Variants in CNTN6 observed in about 807,000 individuals in gnomAD.
The protein encoded by CNTN6 is contactin-6.
CNTN6 carries 137 observed loss-of-function variants against 122.8 expected under a neutral mutation model. The observed-to-expected ratio is 1.12, with a 90% CI of 0.97 to 1.29. The LOEUF (loss-of-function observed/expected upper bound fraction) is 1.29. CNTN6 is among the 50% of genes most tolerant of loss of function. The pLI, the probability that CNTN6 is intolerant of heterozygous loss-of-function variation, is 0.00. For missense variants in CNTN6, 1,634 were observed against 1,223.4 expected (o/e 1.34, Z -5.01); for synonymous variants, 570 against 426.0 (o/e 1.34, Z -4.16).
At chr3:1,333,792 A>G (rs1193231397) in intron 11 of CNTN6, among the ~76,000 whole-genome samples, 1 of 152,116 alleles carries the variant, frequency 6.6e-6, no homozygotes, top group Admixed American at 6.6e-5. Context: ...TCTTACATGA[A>G]TTGAAACAGC....
At chr3:1,289,038 A>T (rs1444991907) in intron 5 of CNTN6, among the ~76,000 whole-genome samples, 2 of 152,252 alleles carry the variant, frequency 1.3e-5, no homozygotes, top group African/African-American at 4.8e-5. Context: ...AATGCATCAC[A>T]ACCGTTAATA....
chr3:1,098,921 C>T (rs1359349818), intron 1 of CNTN6, among the ~76,000 whole-genome samples: 2 of 149,776 alleles, frequency 1.3e-5, no homozygotes, highest in South Asian at 2.1e-4. Context: ...TTAACATCTT[C>T]AGTATTCATA....
intron 4 of CNTN6, among the ~76,000 whole-genome samples, chr3:1,228,660 T>C (rs2094316819): frequency 6.6e-6 from 1 of 152,198 alleles, no homozygotes; most frequent in African/African-American, 2.4e-5. Context: ...TATCTGTTGA[T>C]GTGGATAAAG....
At chr3:1,159,863 C>T (rs936692316) in intron 2 of CNTN6, among the ~76,000 whole-genome samples, 2 of 152,000 alleles carry the variant, frequency 1.3e-5, no homozygotes, top group African/African-American at 4.8e-5. Context: ...CTCTGTCCCC[C>T]AGGCTGGAGT....
rs577946277 is a variant in CNTN6 at position 1,248,370 on chromosome 3, A to G, written c.358+20377A>G. 1.4e-4 allele frequency among the ~76,000 whole-genome samples: 21 copies of G among 152,334 alleles called. No homozygotes were observed. In the East Asian group the frequency reaches 3.3e-3, roughly 24 times the overall value. On this transcript the variant is annotated intron_variant, in intron 4 of 22. Transcript: ENST00000446702. ...TCTCTGTGATGTATGCTTTAGTTGTATCTTCCTCAAAGTAAGTACCAACCT... is the reference window on the plus strand; with the variant it reads ...TCTCTGTGATGTATGCTTTAGTTGTGTCTTCCTCAAAGTAAGTACCAACCT...
At chr3:1,326,614 AT>A (rs996525783) in intron 9 of CNTN6, among the ~76,000 whole-genome samples, 5 of 151,882 alleles carry the variant, frequency 3.3e-5, no homozygotes, top group African/African-American at 9.7e-5. Flanking sequence ...TACCTAGAAA[AT>A]GAAAGATTTG....
intron 19 of CNTN6, among the ~76,000 whole-genome samples, chr3:1,384,930 T>C (rs1008678771): frequency 1.5e-4 from 23 of 151,394 alleles, no homozygotes; most frequent in African/African-American, 5.6e-4. Context: ...GAACCCTAGT[T>C]ACTTCTCAAA....
At chr3:1,143,905 C>T (rs2092668457) in intron 1 of CNTN6, among the ~76,000 whole-genome samples, 1 of 152,142 alleles carries the variant, frequency 6.6e-6, no homozygotes, top group Non-Finnish European at 1.5e-5. Flanking sequence ...CTAGGTCAAA[C>T]CCTTCAATTT....
chr3:1,240,203 G>C (rs1443001078), intron 4 of CNTN6, among the ~76,000 whole-genome samples: 1 of 152,182 alleles, frequency 6.6e-6, no homozygotes, highest in Non-Finnish European at 1.5e-5. Context: ...CTTCTGCACA[G>C]CCAAAGAAAT....
intron 7 of CNTN6, among the ~76,000 whole-genome samples, chr3:1,307,212 T>A (rs547519108): frequency 3.3e-5 from 5 of 152,292 alleles, no homozygotes; most frequent in African/African-American, 7.2e-5. Flanking sequence ...GAGTCAAGGA[T>A]CCTCACTTTG....
intron 1 of CNTN6, among the ~76,000 whole-genome samples, chr3:1,121,580 T>G (rs931243690): frequency 1.3e-5 from 2 of 151,998 alleles, no homozygotes; most frequent in African/African-American, 4.8e-5. Context: ...CTGTATTCTT[T>G]TGCTAATCTT....
At chr3:1,169,919 T>G (rs2093328887) in intron 2 of CNTN6, among the ~76,000 whole-genome samples, 1 of 152,176 alleles carries the variant, frequency 6.6e-6, no homozygotes, top group African/African-American at 2.4e-5. Context: ...CCATATTATA[T>G]TCACCTTAAA....
intron 2 of CNTN6, among the ~76,000 whole-genome samples, chr3:1,209,317 G>A (rs996808068): frequency 1.3e-5 from 2 of 152,144 alleles, no homozygotes; most frequent in African/African-American, 4.8e-5. Context: ...TATGTGAAAA[G>A]CAGCTTTCAC....
chr3:1,306,458 A>G (rs1455920374), intron 7 of CNTN6, among the ~76,000 whole-genome samples: 4 of 152,214 alleles, frequency 2.6e-5, no homozygotes, highest in Non-Finnish European at 5.9e-5. Flanking sequence ...ACACTCTCAC[A>G]TAAACAAGCG....
intron 17 of CNTN6, among the ~76,000 whole-genome samples, chr3:1,381,089 G>T (rs1691803098): frequency 6.6e-6 from 1 of 152,004 alleles, no homozygotes; most frequent in African/African-American, 2.4e-5. Flanking sequence ...TCTTGAGAGA[G>T]CACCATGAGA....
At chr3:1,342,802 T>A (rs1439001675) in intron 11 of CNTN6, among the ~76,000 whole-genome samples, 1 of 152,140 alleles carries the variant, frequency 6.6e-6, no homozygotes, top group Non-Finnish European at 1.5e-5. Context: ...TGAAAAAAAA[T>A]AATGATTAAG....
chr3:1,173,283 T>C (rs1360807283), intron 2 of CNTN6: 2 of 456,568 alleles, frequency 4.4e-6, no homozygotes, highest in African/African-American at 2.0e-5. Flanking sequence ...CCTCTTATGC[T>C]AAGTGCCCTT....
intron 2 of CNTN6, among the ~76,000 whole-genome samples, chr3:1,209,433 A>G (rs2094002063): frequency 6.6e-6 from 1 of 152,152 alleles, no homozygotes; most frequent in African/African-American, 2.4e-5. Context: ...GGTGTTACCT[A>G]GAGTAAGAGG....
At chr3:1,188,311 C>A (rs924931117) in intron 2 of CNTN6, among the ~76,000 whole-genome samples, 17 of 152,270 alleles carry the variant, frequency 1.1e-4, no homozygotes, top group African/African-American at 4.1e-4. Context: ...TTACAAGGCA[C>A]CACCTCTTAT....
Sources: gnomAD v4.1 joint callset for allele counts (sites outside exome capture counted in the v4.1 genomes callset) on GRCh38, gnomAD v4.1.1 for gene constraint, MANE v1.5 for transcripts, NCBI Gene and HGNC (gene_info 2026-07-23, HGNC 2026-07-21) for gene names.